IFT122: variants seen among roughly 807,000 people sequenced by gnomAD.
IFT122 encodes intraflagellar transport protein 122 homolog.
In IFT122, 118 loss-of-function variants were observed where a neutral mutation model predicts 161.6. That is an observed-to-expected ratio of 0.73 (90% CI 0.63 to 0.85). The LOEUF (loss-of-function observed/expected upper bound fraction) is 0.85. Ranked by LOEUF, IFT122 falls within the 40% of genes least tolerant of loss-of-function variation. The pLI is 0.00. For missense variants in IFT122, 1,381 were observed against 1,579.6 expected (o/e 0.87, Z 2.13); for synonymous variants, 550 against 602.4 (o/e 0.91, Z 1.27).
rs771497680 is a variant in IFT122 at position 129,506,482 on chromosome 3, G to A, written c.2724G>A (p.Glu908=). The change falls in exon 22 of 30, where the codon GAG becomes GAA. Residue 908 remains glutamate, a synonymous_variant. Transcript: ENST00000348417. ...LEQLTNNAVA[E]SRFNDAAYYY... is the part of the protein sequence containing the mutation. ...AGCTCACAAACAATGCCGTGGCGGA[G>A]AGCAGGTTTAATGATGCTGCCTATT... 4.3e-6 allele frequency: 7 copies of A among 1,614,248 alleles called. No homozygotes were observed. In the South Asian group the frequency reaches 6.6e-5, roughly 15 times the overall value.
chr3:129,512,293 T>A lies in IFT122; in HGVS notation c.2887-19T>A. The A allele has an allele frequency of 6.3e-7, 1 of 1,578,116 alleles. No homozygotes were observed. Among genetic ancestry groups the A allele is most frequent in the South Asian group, 1.1e-5 (1 of 90,370 alleles). ...GCTCTTGAAGAACTCAATCCCTGTT[T>A]GCTTTTCTCTCACTGCAGGAAGATC... On this transcript the variant is annotated intron_variant, in intron 23 of 29. Coordinates refer to ENST00000348417, the MANE Select transcript of IFT122 (RefSeq NM_052989.3).
chr3:129,481,195 C>G (rs1309315734), intron 13 of IFT122, among the ~76,000 whole-genome samples: 1 of 152,168 alleles, frequency 6.6e-6, no homozygotes, highest in East Asian at 1.9e-4. Context: ...TAGTTCGTGA[C>G]TCAGATCTCT....
At chr3:129,486,407 T>G (rs548877563) in intron 15 of IFT122, among the ~76,000 whole-genome samples, 1 of 152,368 alleles carries the variant, frequency 6.6e-6, no homozygotes, top group South Asian at 2.1e-4. Flanking sequence ...TCAAGCCAAA[T>G]TTCTATTATT....
intron 5 of IFT122, chr3:129,463,247 G>T: frequency 1.0e-5 from 3 of 300,950 alleles, no homozygotes; most frequent in Non-Finnish European, 2.0e-5. Context: ...TGTGTAGATT[G>T]CCATCAGCGT....
intron 26 of IFT122, 142 bp from the exon 27 acceptor site, chr3:129,517,327 A>T: frequency 1.0e-6 from 1 of 999,622 alleles, no homozygotes; most frequent in Non-Finnish European, 1.5e-6. Flanking sequence ...ACACACATAC[A>T]GAGACTGCCC....
Position 129,499,776 on chromosome 3 carries a change from C to A in IFT122, c.2209-126C>A, listed in dbSNP as rs1186753244. ...CCCAACTCAGCCCCTCAGGGCCGGG[C>A]CCTGCCTACCTCCTGGTTGCCTGCT... is the stretch of plus-strand genomic sequence containing the variant. On this transcript the variant is annotated intron_variant, in intron 18 of 29. Transcript: ENST00000348417. 7.2e-6 allele frequency: 8 copies of A among 1,117,272 alleles called. No homozygotes were observed. The East Asian group carries it at 1.9e-4, about 26-fold the overall frequency. The allele number at this position is 1,117,272 out of a possible 1,614,324, so 69.2% of individuals were successfully genotyped here.
intron 20 of IFT122, among the ~76,000 whole-genome samples, 163 bp downstream of exon 20, chr3:129,503,045 C>T (rs2081770353): frequency 6.6e-6 from 1 of 152,210 alleles, no homozygotes; most frequent in Non-Finnish European, 1.5e-5. Context: ...ATTCTCTGAG[C>T]CACAGAATCG....
At chr3:129,458,509 A>T in intron 3 of IFT122, 90 bp from the exon 4 acceptor site, 3 of 1,050,088 alleles carry the variant, frequency 2.9e-6, no homozygotes, top group Non-Finnish European at 4.5e-6. Context: ...CTTACTAGGT[A>T]CCTTAAAGAA....
intron 15 of IFT122, chr3:129,483,990 A>C (rs1288633961): frequency 2.3e-6 from 1 of 439,604 alleles, no homozygotes; most frequent in Non-Finnish European, 4.3e-6. Context: ...CGTGGGGCCG[A>C]ATGGAGTGAG....
intron 26 of IFT122, 128 bp from the exon 27 acceptor site, chr3:129,517,341 C>A: frequency 1.7e-6 from 2 of 1,182,558 alleles, no homozygotes; most frequent in Non-Finnish European, 2.4e-6. Context: ...ACTGCCCCTG[C>A]TGCCTCTTCT....
Position 129,515,551 on chromosome 3 carries a change from G to T in IFT122, c.3217G>T (p.Val1073Phe), listed in dbSNP as rs138028750. 6.3e-7 allele frequency: 1 copy of T among 1,579,082 alleles called. No homozygotes were observed. Among genetic ancestry groups the T allele is most frequent in the Non-Finnish European group, 8.7e-7 (1 of 1,150,586 alleles). ...CCCGCTGCTCAACAACCTGGGCAAC[G>T]TCTGCATCAACTGCCGCCAGCCCTT... Reference protein sequence around the residue: ...NNPLLNNLGNVCINCRQPFIF... With the variant: ...NNPLLNNLGNFCINCRQPFIF... The change falls in exon 26 of 30, where the codon GTC (valine) becomes TTC (phenylalanine). Residue 1073 changes from valine to phenylalanine, a missense_variant. Transcript: ENST00000348417.
chr3:129,483,415 G>A, intron 14 of IFT122, 70 bp from the exon 15 acceptor site: 2 of 1,318,278 alleles, frequency 1.5e-6, no homozygotes, highest in Non-Finnish European at 2.2e-6. Context: ...AGGGTATTGG[G>A]CTGAAATGTG....
intron 9 of IFT122, among the ~76,000 whole-genome samples, chr3:129,473,917 G>A (rs1356532583): frequency 7.2e-6 from 1 of 138,912 alleles, no homozygotes; most frequent in East Asian, 2.5e-4. Context: ...TTGGTCCAGA[G>A]TTTATTGTTG....
chr3:129,492,322 G>A, intron 17 of IFT122, 128 bp downstream of exon 17: 2 of 810,592 alleles, frequency 2.5e-6, no homozygotes. Context: ...GGGCATCTGG[G>A]CCACAGCCTT....
chr3:129,487,372 TGCTG>T (rs57845910), intron 15 of IFT122: 13,424 of 152,400 alleles, frequency 0.088, 655 homozygotes, highest in South Asian at 0.13. Flanking sequence ...GCCAGCTATT[TGCTG>T]GGACAGGTCA....
At position 129,464,663 on chromosome 3, in the gene IFT122, C is replaced by T; in HGVS notation, c.445C>T (p.Leu149=). 6.2e-7 allele frequency: 1 copy of T among 1,606,194 alleles called. No homozygotes were observed. The highest frequency in any genetic ancestry group is 8.5e-7 in the Non-Finnish European group (1 of 1,175,796). The change falls in exon 7 of 30, where the codon CTG becomes TTG. Residue 149 remains leucine (L), a synonymous_variant. Coordinates refer to ENST00000348417, the MANE Select transcript of IFT122 (RefSeq NM_052989.3). ...GACAAATGATGGTCAGTACCTGGCGCTGGGGATGTTCAATGGGATCATCAG... is the reference window on the plus strand; with the variant it reads ...GACAAATGATGGTCAGTACCTGGCGTTGGGGATGTTCAATGGGATCATCAG... ...SWTNDGQYLA[L]GMFNGIISIR...
intron 18 of IFT122, among the ~76,000 whole-genome samples, chr3:129,499,155 G>T (rs569574516): frequency 1.3e-5 from 2 of 152,250 alleles, no homozygotes; most frequent in Admixed American, 6.5e-5. Flanking sequence ...TCCCACTGTC[G>T]GATCAGGTTC....
chr3:129,514,564 C>T lies in IFT122; in HGVS notation c.3153+10C>T. 1 of 1,614,144 alleles carries T rather than the reference C, an allele frequency of 6.2e-7. No individual in the cohort carries two copies. Among genetic ancestry groups the T allele is most frequent in the African/African-American group, 1.3e-5 (1 of 75,060 alleles). ...CTTCCACGACAGTGAGGTGAGGATG[C>T]AGCACCCTTGGGCAGGTGGCTTCTC... is the stretch of plus-strand genomic sequence containing the variant. On this transcript the variant is annotated intron_variant, in intron 25 of 29. Transcript: ENST00000348417.
chr3:129,459,972 G>A (rs2076051605), intron 4 of IFT122, among the ~76,000 whole-genome samples: 2 of 151,288 alleles, frequency 1.3e-5, no homozygotes, highest in East Asian at 3.9e-4. Flanking sequence ...TTTGTTGCCT[G>A]TACTGGTCTT....
Sources: gnomAD v4.1 joint callset for allele counts (sites outside exome capture counted in the v4.1 genomes callset) on GRCh38, gnomAD v4.1.1 for gene constraint, MANE v1.5 for transcripts, NCBI Gene and HGNC (gene_info 2026-07-23, HGNC 2026-07-21) for gene names.